The following LBHD1 variants were observed in gnomAD, a reference collection of about 807,000 sequenced individuals.
The protein encoded by LBHD1 is LBH domain containing 1.
LBHD1 carries 28 observed loss-of-function variants against 31.1 expected under a neutral mutation model. The observed-to-expected ratio is 0.90, with a 90% CI of 0.67 to 1.24. The LOEUF is 1.24. Among genes scored for constraint, LBHD1 ranks in the 50% most tolerant of loss-of-function variants. LBHD1 has a pLI of 0.00. For synonymous variants in LBHD1, 105 were observed against 116.5 expected (o/e 0.90, Z 0.63); for missense variants, 350 against 323.0 (o/e 1.08, Z -0.64).
chr11:62,666,911 A>AT (rs1406386655), intron 4 of LBHD1: 7 of 1,613,826 alleles, frequency 4.3e-6, no homozygotes, highest in Non-Finnish European at 5.9e-6. Context: ...GGGGACCCTG[A>AT]TTCAGTTCTC....
chr11:62,666,883 G>A lies in LBHD1; in HGVS notation c.538+640C>T, dbSNP rs375255311. The A allele has an allele frequency of 8.9e-4, 1,437 of 1,614,078 alleles. 2 individuals carry two copies. The highest frequency in any genetic ancestry group is 8.8e-4 in the Non-Finnish European group (1,041 of 1,180,046). On this transcript the variant is annotated intron_variant, in intron 4 of 6. Transcript: ENST00000354588. ...CTTACCAGCTTCTATCAGAATGCTT[G>A]AGGGTTCTAAACCCTCAGGGGACCC...
chr11:62,665,228 G>T (rs1313986656), intron 4 of LBHD1: 1 of 775,800 alleles, frequency 1.3e-6, no homozygotes. Context: ...GATCCGCGGG[G>T]CTCCGCCCCG....
At chr11:62,665,447 C>A in intron 4 of LBHD1, 2 of 1,556,776 alleles carry the variant, frequency 1.3e-6, no homozygotes, top group Non-Finnish European at 1.7e-6. Context: ...GGGGATCGGG[C>A]TTGTGGTGCC....
At position 62,666,503 on chromosome 11, in the gene LBHD1, G is replaced by A. The variant is rs375107020; in HGVS notation, c.538+1020C>T. ...CTTCGACTGGTTCTTTGGATACGAC[G>A]AAGTCCAGGGGCTCCTACTGCCATT... On this transcript the variant is annotated intron_variant, in intron 4 of 6. Coordinates refer to ENST00000354588, the MANE Select transcript of LBHD1 (RefSeq NM_024099.5). The A allele has an allele frequency of 3.7e-5, 60 of 1,614,090 alleles. No individual in the cohort carries two copies. The highest frequency in any genetic ancestry group is 2.0e-4 in the African/African-American group (15 of 75,052).
Position 62,663,254 on chromosome 11 carries a change from C to T in LBHD1, c.743G>A (p.Arg248Lys), listed in dbSNP as rs1349511722. ...TPPADPACPE[R>K]EDSHGSGSPF... ...GCCTCACCTTCCATGGCTGTCTTCT[C>T]TTTCTGGGCAAGCCGGATCTGCTGG... is the stretch of plus-strand genomic sequence containing the variant. Residue 248 changes from arginine to lysine, a missense_variant, in exon 6 of 7, where the codon AGA (arginine) becomes AAA (lysine). Transcript: ENST00000354588. 4 of 1,614,206 alleles carry T rather than the reference C, an allele frequency of 2.5e-6. No homozygotes were observed. The highest frequency in any genetic ancestry group is 3.4e-6 in the Non-Finnish European group (4 of 1,180,036).
chr11:62,672,181 C>T lies in LBHD1; in HGVS notation c.-628G>A. 2.7e-6 allele frequency: 4 copies of T among 1,469,682 alleles called. No individual in the cohort carries two copies. Among genetic ancestry groups the T allele is most frequent in the Admixed American group, 2.0e-5 (1 of 49,874 alleles). The allele number at this position is 1,469,682 out of a possible 1,614,324, so 91.0% of individuals were successfully genotyped here. A position where few individuals can be genotyped will look rare whatever the true frequency, so the allele number is the denominator to read the frequency against. On this transcript the variant is annotated 5_prime_UTR_variant, in exon 1 of 7. Transcript: ENST00000354588. ...GCAGGAATCCGAGGCAGCCTTTCTC[C>T]TTCGTGGGCCCAGCGGAGAGTCCGG...
chr11:62,672,046 G>C lies in LBHD1; in HGVS notation c.-493C>G, dbSNP rs1463282615. 3.1e-6 allele frequency: 5 copies of C among 1,611,444 alleles called. No individual in the cohort carries two copies. The highest frequency in any genetic ancestry group is 4.2e-6 in the Non-Finnish European group (5 of 1,179,046). The stretch of plus-strand genomic sequence containing the variant: ...TCTGCAGGAGGCAGCGACCACGCAG[G>C]AGAACGTGGCCTGGAGGAAGAACTG... On this transcript the variant is annotated 5_prime_UTR_variant, in exon 1 of 7. Coordinates refer to ENST00000354588, the MANE Select transcript of LBHD1 (RefSeq NM_024099.5).
At chr11:62,667,895 C>T (rs1412443654) in intron 3 of LBHD1, 148 bp from the exon 4 acceptor site, 3 of 618,910 alleles carry the variant, frequency 4.8e-6, no homozygotes, top group African/African-American at 1.8e-5. Flanking sequence ...AATAAAGTGA[C>T]ACCCCTAACT....
Position 62,671,942 on chromosome 11 carries a change from C to G in LBHD1, c.-389G>C. ...ACTGGAGCTCCTGCGAACTCCCCTT[C>G]CTGCCCTCAGGAGATGCCACTGCAG... On this transcript the variant is annotated 5_prime_UTR_variant, in exon 1 of 7. Transcript: ENST00000354588. 6.2e-7 allele frequency: 1 copy of G among 1,613,812 alleles called. No individual in the cohort carries two copies. The highest frequency in any genetic ancestry group is 8.5e-7 in the Non-Finnish European group (1 of 1,179,856).
rs1399424503 is a variant in LBHD1 at position 62,671,246 on chromosome 11, C to A, written c.-11+318G>T. ...AAAGATAAGTAACTATTACCCATTT[C>A]TCCAACCAGTATACTTGACTTTGAG... is the stretch of plus-strand genomic sequence containing the variant. On this transcript the variant is annotated intron_variant, in intron 1 of 6. Coordinates refer to ENST00000354588, the MANE Select transcript of LBHD1 (RefSeq NM_024099.5). 6.3e-6 allele frequency: 3 copies of A among 475,058 alleles called. No individual in the cohort carries two copies. In the Admixed American group the frequency reaches 7.1e-5, roughly 11 times the overall value. The allele number at this position is 475,058 out of a possible 1,614,324, so 29.4% of individuals were successfully genotyped here.
In LBHD1 at chr11:62,663,078, T is replaced by C; in HGVS notation, c.*51A>G. ...GCTCTCATCTTCAAGGTCCTTCATT[T>C]CTACATCCTGGGGGGCTTTTGTCTT... is the stretch of plus-strand genomic sequence containing the variant. On this transcript the variant is annotated 3_prime_UTR_variant, in exon 7 of 7. Coordinates refer to ENST00000354588, the MANE Select transcript of LBHD1 (RefSeq NM_024099.5). The C allele has an allele frequency of 6.2e-7, 1 of 1,610,038 alleles. No individual in the cohort carries two copies.
intron 1 of LBHD1, 183 bp from the exon 2 acceptor site, chr11:62,670,224 C>T (rs1565130363): frequency 9.5e-6 from 6 of 633,858 alleles, no homozygotes; most frequent in Non-Finnish European, 1.3e-5. Flanking sequence ...TCTACTTACT[C>T]CCTGGAGACA....
At chr11:62,666,321 A>T in intron 4 of LBHD1, 2 of 1,453,870 alleles carry the variant, frequency 1.4e-6, no homozygotes, top group Non-Finnish European at 1.9e-6. Context: ...AAAAAAAAAA[A>T]GACGCCAGTG....
chr11:62,665,911 C>T (rs562358156), intron 4 of LBHD1: 1 of 1,613,270 alleles, frequency 6.2e-7, no homozygotes, highest in East Asian at 2.2e-5. Flanking sequence ...CTCCACTTGC[C>T]GAGCCTGATG....
intron 1 of LBHD1, chr11:62,670,384 A>T (rs1012085410): frequency 1.4e-4 from 36 of 250,324 alleles, no homozygotes; most frequent in African/African-American, 6.7e-4. Context: ...ATGAATATTT[A>T]TATGGTGTTT....
intron 4 of LBHD1, chr11:62,665,952 G>A: frequency 1.9e-6 from 3 of 1,610,550 alleles, no homozygotes; most frequent in South Asian, 1.1e-5. Context: ...TGCGGGTAGG[G>A]AGGTGGGGGC....
In LBHD1 at chr11:62,672,236, G is replaced by T. The variant is rs573524000; in HGVS notation, c.-683C>A. 20 of 1,061,962 alleles carry T rather than the reference G, an allele frequency of 1.9e-5. No homozygotes were observed. In the East Asian group the frequency reaches 4.9e-4, roughly 26 times the overall value. 65.8% of individuals were successfully genotyped at this position (1,061,962 alleles called of 1,614,324 possible). A position where few individuals can be genotyped will look rare whatever the true frequency, so the allele number is the denominator to read the frequency against. On this transcript the variant is annotated 5_prime_UTR_variant, in exon 1 of 7. Coordinates refer to ENST00000354588, the MANE Select transcript of LBHD1 (RefSeq NM_024099.5). ...AGATACCATGCCAGGACTCTCCGGG[G>T]TCCTGTGAGCTGCCGTCGGGTGAGC...
intron 1 of LBHD1, 133 bp from the exon 2 acceptor site, chr11:62,670,174 G>T: frequency 1.0e-6 from 1 of 972,626 alleles, no homozygotes; most frequent in Non-Finnish European, 1.5e-6. Context: ...CGCTTTCAGG[G>T]GAGGGGAAAA....
rs553624759 is a variant in LBHD1 at position 62,671,713 on chromosome 11, C to A, written c.-160G>T. The stretch of plus-strand genomic sequence containing the variant: ...CAACAGCTTGCGGCTGCGGGGAGCT[C>A]CCGTGGGCGCTCCGCTGGCTGTGCA... On this transcript the variant is annotated 5_prime_UTR_variant, in exon 1 of 7. Transcript: ENST00000354588. 1.5e-5 allele frequency: 24 copies of A among 1,610,330 alleles called. 1 individual carries two copies. The South Asian group carries it at 2.2e-4, about 15-fold the overall frequency.
Sources: allele counts gnomAD v4.1 joint callset, GRCh38; gene constraint gnomAD v4.1.1; transcripts MANE v1.5; gene names NCBI Gene and HGNC (gene_info 2026-07-23, HGNC 2026-07-21).